The following TICRR variants were observed in gnomAD, a reference collection of about 807,000 sequenced individuals.
TICRR encodes TOPBP1 interacting checkpoint and replication regulator.
TICRR carries 132 observed loss-of-function variants against 178.1 expected under a neutral mutation model. That is an observed-to-expected ratio of 0.74 (90% CI 0.64 to 0.86). The LOEUF is 0.86. Ranked by LOEUF, TICRR falls within the 40% of genes least tolerant of loss-of-function variation. The pLI, the probability that TICRR is intolerant of heterozygous loss-of-function variation, is 0.00. For missense variants in TICRR, 2,587 were observed against 2,334.3 expected (o/e 1.11, Z -2.23); for synonymous variants, 991 against 900.7 (o/e 1.10, Z -1.79).
At chr15:89,599,158 T>A (rs8025002) in intron 7 of TICRR, among the ~76,000 whole-genome samples, 166 bp from the exon 8 acceptor site, 1 of 150,180 alleles carries the variant, frequency 6.7e-6, no homozygotes, top group East Asian at 2.0e-4. Context: ...ACATACTAGA[T>A]GGCCAGCAGC....
rs374167583 is a variant in TICRR, at chr15:89,627,129, G to A, written c.*43G>A. ...CCCAAAAGATCAAGGAGTCAGCCAGGACCCTGTGGACATAAAGAAGTTGGA... is the reference window on the plus strand; with the variant it reads ...CCCAAAAGATCAAGGAGTCAGCCAGAACCCTGTGGACATAAAGAAGTTGGA... On this transcript the variant is annotated 3_prime_UTR_variant, in exon 22 of 22. Coordinates refer to ENST00000268138, the MANE Select transcript of TICRR (RefSeq NM_152259.4). 4 of 1,608,052 alleles carry A rather than the reference G, an allele frequency of 2.5e-6. No homozygotes were observed. The highest frequency in any genetic ancestry group is 1.3e-5 in the African/African-American group (1 of 74,648).
intron 15 of TICRR, among the ~76,000 whole-genome samples, chr15:89,614,602 A>G (rs996916010): frequency 6.6e-6 from 1 of 152,212 alleles, no homozygotes; most frequent in South Asian, 2.1e-4. Flanking sequence ...AAGTGCTGGG[A>G]TTACAAGCAT....
intron 13 of TICRR, among the ~76,000 whole-genome samples, chr15:89,604,621 A>G (rs532109499): frequency 3.9e-5 from 6 of 152,100 alleles, no homozygotes; most frequent in African/African-American, 1.2e-4. Context: ...CAAAAAATTT[A>G]AAAATTAGGT....
chr15:89,594,602 G>C, intron 6 of TICRR, 48 bp downstream of exon 6: 1 of 1,454,894 alleles, frequency 6.9e-7, no homozygotes, highest in Non-Finnish European at 9.2e-7. Flanking sequence ...TTTTGAGACT[G>C]TATGTTTTAA....
At chr15:89,577,599 CTTTTTTTTTT>C (rs71151513) in intron 1 of TICRR, among the ~76,000 whole-genome samples, 8 of 60,858 alleles carry the variant, frequency 1.3e-4, no homozygotes, top group Non-Finnish European at 1.9e-4. Flanking sequence ...GAGGGAAGGC[CTTTTTTTTTT>C]TTTTTTTTTT....
chr15:89,595,166 A>G (rs1325627178), intron 6 of TICRR, among the ~76,000 whole-genome samples: 4 of 152,220 alleles, frequency 2.6e-5, no homozygotes, highest in Non-Finnish European at 4.4e-5. Context: ...TTTAGTTCCA[A>G]TCCAATCACA....
chr15:89,598,215 T>C (rs12913965), intron 7 of TICRR, among the ~76,000 whole-genome samples: 125,261 of 151,746 alleles, frequency 0.83, 52,483 homozygotes, highest in Non-Finnish European at 0.92. Context: ...CCTCGTGATC[T>C]GCCCACCTCA....
At chr15:89,585,169 G>C (rs1426697538) in intron 3 of TICRR, among the ~76,000 whole-genome samples, 3 of 152,200 alleles carry the variant, frequency 2.0e-5, no homozygotes, top group Admixed American at 2.0e-4. Flanking sequence ...GTAGTCATTG[G>C]ACAGATGCTG....
intron 13 of TICRR, among the ~76,000 whole-genome samples, chr15:89,605,013 C>T (rs910360538): frequency 6.6e-6 from 1 of 152,024 alleles, no homozygotes; most frequent in African/African-American, 2.4e-5. Flanking sequence ...ATTTCTTTTA[C>T]GTATCTTAAC....
chr15:89,592,222 G>A (rs754642421), intron 5 of TICRR, 46 bp downstream of exon 5: 83 of 1,545,672 alleles, frequency 5.4e-5, no homozygotes, highest in Non-Finnish European at 5.3e-5. Context: ...TAAAATCAAC[G>A]TTCAGTTATC....
rs1962734797 is a variant in TICRR at position 89,582,001 on chromosome 15, ATTGTG to A, written c.655-679_655-675del. ...CTCACTCCCATGACACCTGGCCATTATTGTGTTGTGCTGTATAGGACATAATTATT... is the reference window on the plus strand; with the variant it reads ...CTCACTCCCATGACACCTGGCCATTATTGTGCTGTATAGGACATAATTATT... On this transcript the variant is annotated intron_variant, in intron 1 of 21. Transcript: ENST00000268138. Among the ~76,000 whole-genome samples the A allele has an allele frequency of 9.2e-5, 14 of 152,144 alleles. No homozygotes were observed. The South Asian group carries it at 2.7e-3, about 29-fold the overall frequency.
intron 1 of TICRR, 70 bp downstream of exon 1, chr15:89,576,310 T>TC: frequency 7.1e-7 from 1 of 1,406,434 alleles, no homozygotes; most frequent in Non-Finnish European, 9.4e-7. Flanking sequence ...CTTGGCAGCG[T>TC]CCTTAGAACA....
In TICRR at chr15:89,616,501, T is replaced by C; in HGVS notation, c.2960+6T>C. On this transcript the variant is annotated splice_donor_region_variant and intron_variant, in intron 16 of 21. Coordinates refer to ENST00000268138, the MANE Select transcript of TICRR (RefSeq NM_152259.4). ...CACAGACAAATCAAGGGCAGGTGAG[T>C]GACATCCCCATCCGGGCTTCTTCAT... is the stretch of plus-strand genomic sequence containing the variant. 1 of 1,613,220 alleles carries C rather than the reference T, an allele frequency of 6.2e-7. No homozygotes were observed.
chr15:89,590,569 T>C (rs748981406), intron 4 of TICRR, among the ~76,000 whole-genome samples: 1 of 152,210 alleles, frequency 6.6e-6, no homozygotes, highest in Non-Finnish European at 1.5e-5. Context: ...GTGTGCCGGC[T>C]TATTGTCCAG....
At position 89,624,811 on chromosome 15, in the gene TICRR, CTG is replaced by C; in HGVS notation, c.4503_4504del (p.His1503ProfsTer21). The part of the protein sequence containing the change: ...LRTADAEKSS[L>X]SHPGIPPSPP... ...GACAGCAGATGCTGAGAAGTCTTCT[CTG>C]TCTCACCCTGGGATTCCCCCATCTC... is the stretch of plus-strand genomic sequence containing the variant. On this transcript the variant is annotated frameshift_variant, in exon 20 of 22. Coordinates refer to ENST00000268138, the MANE Select transcript of TICRR (RefSeq NM_152259.4). LOFTEE classifies it high-confidence loss of function. The C allele has an allele frequency of 1.2e-6, 2 of 1,614,204 alleles. No individual in the cohort carries two copies. Among genetic ancestry groups the C allele is most frequent in the Non-Finnish European group, 1.7e-6 (2 of 1,180,040 alleles).
rs554429003 is a variant in TICRR at position 89,605,848 on chromosome 15, CT to C, written c.2665-917del. The stretch of plus-strand genomic sequence containing the variant: ...ATGATGAATTGAAAAAACAAAAAAT[CT>C]TTAAAAAAACAGTTTCCTTGTTTTG... On this transcript the variant is annotated intron_variant, in intron 13 of 21. Coordinates refer to ENST00000268138, the MANE Select transcript of TICRR (RefSeq NM_152259.4). 3.8e-3 allele frequency among the ~76,000 whole-genome samples: 570 copies of C among 151,958 alleles called. 8 individuals carry two copies. Among genetic ancestry groups the C allele is most frequent in the African/African-American group, 0.013 (554 of 41,530 alleles).
At chr15:89,576,561 T>C (rs1215116902) in intron 1 of TICRR, among the ~76,000 whole-genome samples, 1 of 152,028 alleles carries the variant, frequency 6.6e-6, no homozygotes, top group Non-Finnish European at 1.5e-5. Flanking sequence ...GTGTTATGTG[T>C]GTTGTTCAAT....
rs774108199 is a variant in TICRR, at chr15:89,608,817, C to T, written c.2737C>T (p.Arg913Ter). 1.3e-5 allele frequency: 20 copies of T among 1,599,492 alleles called. No individual in the cohort carries two copies. Among genetic ancestry groups the T allele is most frequent in the Non-Finnish European group, 1.5e-5 (18 of 1,175,082 alleles). ...KDTVQEVTKV[R>*]RNLFNQELLS... The stretch of plus-strand genomic sequence containing the variant: ...GATGCTTTCAGAAGTGACCAAAGTT[C>T]GAAGAAATCTTTTCAACCAGGAATT... Residue 913 changes from arginine (R) to a stop codon, truncating the protein, a stop_gained, in exon 15 of 22, where the codon CGA (arginine) becomes TGA (stop). Transcript: ENST00000268138. LOFTEE classifies it high-confidence loss of function.
chr15:89,625,910 G>C (rs1963514625), intron 20 of TICRR, 26 bp from the exon 21 acceptor site: 2 of 1,548,530 alleles, frequency 1.3e-6, no homozygotes, highest in Admixed American at 4.1e-5. Context: ...TGGGGACGCT[G>C]CTCTTACTAT....
Sources: allele counts gnomAD v4.1 joint callset (sites outside exome capture counted in the v4.1 genomes callset), GRCh38; gene constraint gnomAD v4.1.1; transcripts MANE v1.5; gene names NCBI Gene and HGNC (gene_info 2026-07-23, HGNC 2026-07-21).